The following ATN1 variants were observed in gnomAD, a reference collection of about 807,000 sequenced individuals.
The protein encoded by ATN1 is atrophin 1, also known as atrophin-1.
A neutral mutation model predicts 85.8 loss-of-function variants in ATN1; 19 were observed. The observed-to-expected ratio is 0.22, with a 90% CI of 0.15 to 0.32. The LOEUF (loss-of-function observed/expected upper bound fraction) is 0.32, where lower values mean the gene tolerates loss of function less well. Ranked by LOEUF, ATN1 falls within the 10% of genes least tolerant of loss-of-function variation. The probability of loss-of-function intolerance (pLI) is 1.00; values close to 1 mark genes in which losing one functional copy is unlikely to be tolerated. For synonymous variants in ATN1, 674 were observed against 657.0 expected, an observed-to-expected ratio of 1.03 and a Z score of -0.39; for missense variants, 1,453 against 1,564.5, an observed-to-expected ratio of 0.93 and a Z score of 1.20.
chr12:6,936,865 C>T lies in ATN1; in HGVS notation c.1598C>T (p.Ser533Phe), dbSNP rs1555143824. The change falls in exon 5 of 10, where the codon TCT becomes TTT. Residue 533 changes from serine to phenylalanine, a missense_variant. This residue lies in a region of ATN1 where 990 missense variants were observed against 914.8 expected (regional missense o/e 1.08). Transcript: ENST00000396684. ...CACCACGCACACCCTTACGCCATGT[C>T]TCCCTCCCTGGGGTCTCTGAGGCCC... ...SSHHAHPYAM[S>F]PSLGSLRPYP... 6.2e-7 allele frequency: 1 copy of T among 1,614,054 alleles called. No homozygotes were observed. The highest frequency in any genetic ancestry group is 8.5e-7 in the Non-Finnish European group (1 of 1,179,986).
In ATN1 at chr12:6,942,020, C is replaced by A; in HGVS notation, c.*240C>A. The A allele has an allele frequency of 1.8e-6, 1 of 569,440 alleles. No individual in the cohort carries two copies. The highest frequency in any genetic ancestry group is 3.1e-6 in the Non-Finnish European group (1 of 317,966). 35.3% of individuals were successfully genotyped at this position (569,440 alleles called of 1,614,324 possible). On this transcript the variant is annotated 3_prime_UTR_variant, in exon 10 of 10. Coordinates refer to ENST00000396684, the MANE Select transcript of ATN1 (RefSeq NM_001940.4). The stretch of plus-strand genomic sequence containing the variant: ...ACAGAAAGCGCACAGAATCTTGGAC[C>A]AGGTCTCTCTTCCTTGTCCCCCCTG...
chr12:6,938,933 C>A lies in ATN1; in HGVS notation c.2970C>A (p.Pro990=). ...QPGPPGLHPF[P]FHPSLGPLER... ...GCCCACCTGGCCTGCACCCTTTCCC[C>A]TTTCATCCGAGCCTGGGGCCCCTGG... Residue 990 remains proline, a synonymous_variant, in exon 7 of 10, where the codon CCC becomes CCA. Coordinates refer to ENST00000396684, the MANE Select transcript of ATN1 (RefSeq NM_001940.4). 6.2e-7 allele frequency: 1 copy of A among 1,614,028 alleles called. No homozygotes were observed. The highest frequency in any genetic ancestry group is 8.5e-7 in the Non-Finnish European group (1 of 1,180,002).
At position 6,934,716 on chromosome 12, in the gene ATN1, T is replaced by G; in HGVS notation, c.279+138T>G. The G allele has an allele frequency of 6.1e-6, 4 of 660,974 alleles. No homozygotes were observed. The highest frequency in any genetic ancestry group is 1.0e-5 in the Non-Finnish European group (4 of 381,590). 40.9% of individuals were successfully genotyped at this position (660,974 alleles called of 1,614,324 possible). On this transcript the variant is annotated intron_variant, in intron 4 of 9. Transcript: ENST00000396684. This position sits in a 1 kb window ranked among gnomAD's most constrained non-coding sequence, Gnocchi z 4.5. ...ATCATAGTGCTTATGAGAGCAGTTC[T>G]GTCTATAATATGCCAGAGAGATTCT... is the stretch of plus-strand genomic sequence containing the variant.
intron 1 of ATN1, among the ~76,000 whole-genome samples, chr12:6,931,580 G>T (rs1945465238): frequency 6.6e-6 from 1 of 151,650 alleles, no homozygotes; most frequent in South Asian, 2.1e-4. Flanking sequence ...CAGGTGTGGT[G>T]GTGTGCGCTT....
rs781914871 is a variant in ATN1 at position 6,935,663 on chromosome 12, C to T, written c.396C>T (p.Ser132=). 5 of 1,613,950 alleles carry T rather than the reference C, an allele frequency of 3.1e-6. No individual in the cohort carries two copies. In the South Asian group the frequency reaches 4.4e-5, roughly 14 times the overall value. ...RDIDQDNRST[S]PSIYSPGSVE... Reference sequence around the variant, plus strand: ...TCGACCAGGACAACCGAAGCACGTCCCCCAGTATCTACAGCCCTGGAAGTG... The same window carrying T: ...TCGACCAGGACAACCGAAGCACGTCTCCCAGTATCTACAGCCCTGGAAGTG... Residue 132 remains serine (S), a synonymous_variant, in exon 5 of 10, where the codon TCC becomes TCT. Transcript: ENST00000396684. This position sits in a 1 kb window ranked among gnomAD's most constrained non-coding sequence, Gnocchi z 5.3.
chr12:6,942,071 C>A lies in ATN1; in HGVS notation c.*291C>A. 2.0e-6 allele frequency: 1 copy of A among 506,706 alleles called. No homozygotes were observed. The highest frequency in any genetic ancestry group is 3.6e-6 in the Non-Finnish European group (1 of 278,934). The allele number at this position is 506,706 out of a possible 1,614,324, so 31.4% of individuals were successfully genotyped here. On this transcript the variant is annotated 3_prime_UTR_variant, in exon 10 of 10. Coordinates refer to ENST00000396684, the MANE Select transcript of ATN1 (RefSeq NM_001940.4). ...CTTTTCTCCTCCCCCATGCCCAACC[C>A]CTGTGGCCGCCGCCCCTCCCCTGCC...
At position 6,936,327 on chromosome 12, in the gene ATN1, C is replaced by T. The variant is rs1935632468; in HGVS notation, c.1060C>T (p.Pro354Ser). The T allele has an allele frequency of 1.9e-6, 3 of 1,613,952 alleles. No individual in the cohort carries two copies. In the African/African-American group the frequency reaches 4.0e-5, roughly 22 times the overall value. Reference sequence around the variant, plus strand: ...CCCAGAGAAGGGCCCAACTCTGGCTCCTTCACCCCACTCTCTGCCTCCTGC... The same window carrying T: ...CCCAGAGAAGGGCCCAACTCTGGCTTCTTCACCCCACTCTCTGCCTCCTGC... Reference protein sequence around the residue: ...PGPEKGPTLAPSPHSLPPASS... With the variant: ...PGPEKGPTLASSPHSLPPASS... The change falls in exon 5 of 10, where the codon CCT (proline) becomes TCT (serine). Residue 354 changes from proline to serine, a missense_variant. Around this residue, in one of 6 missense-constraint regions of ATN1, gnomAD observed 990 missense variants for 914.8 expected, o/e 1.08. Transcript: ENST00000396684.
At position 6,937,355 on chromosome 12, in the gene ATN1, C is replaced by A; in HGVS notation, c.2088C>A (p.Pro696=). 6.4e-7 allele frequency: 1 copy of A among 1,552,286 alleles called. No individual in the cohort carries two copies. The highest frequency in any genetic ancestry group is 2.4e-5 in the East Asian group (1 of 41,028). The change falls in exon 5 of 10, where the codon CCC becomes CCA. Residue 696 remains proline (P), a synonymous_variant. Coordinates refer to ENST00000396684, the MANE Select transcript of ATN1 (RefSeq NM_001940.4). This position sits in a 1 kb window ranked among gnomAD's most constrained non-coding sequence, Gnocchi z 6.0. ...GCTCGCCCACCGTGGGACCTGGGCC[C>A]CTGCCACCTGCGGGGCCCTCAGGCC... ...KPGSPTVGPG[P]LPPAGPSGLP...
rs958352481 is a variant in ATN1, at chr12:6,937,677, G to A, written c.2294+116G>A. On this transcript the variant is annotated intron_variant, in intron 5 of 9. Coordinates refer to ENST00000396684, the MANE Select transcript of ATN1 (RefSeq NM_001940.4). The surrounding 1 kb of genome is among the most constrained non-coding windows in gnomAD (Gnocchi z 6.0). The stretch of plus-strand genomic sequence containing the variant: ...CTGGTGTAGTGTTTTAGAAAAGCAC[G>A]CCCCTCTCCTCCGTCCAGGCCTAGT... The A allele has an allele frequency of 4.2e-6, 6 of 1,427,504 alleles. No homozygotes were observed. The highest frequency in any genetic ancestry group is 4.6e-6 in the Non-Finnish European group (5 of 1,088,424). 88.4% of individuals were successfully genotyped at this position (1,427,504 alleles called of 1,614,324 possible). A position where few individuals can be genotyped will look rare whatever the true frequency, so the allele number is the denominator to read the frequency against.
rs2138223149 is a variant in ATN1 at position 6,941,093 on chromosome 12, A to T, written c.3358+70A>T. ...AGAAAGGAGGTATTTGGGTGGGGGG[A>T]TGGGCCTAGTTGGGCTTGGGGAGGG... is the stretch of plus-strand genomic sequence containing the variant. On this transcript the variant is annotated intron_variant, in intron 8 of 9. Transcript: ENST00000396684. The surrounding 1 kb of genome is among the most constrained non-coding windows in gnomAD (Gnocchi z 5.9). The T allele has an allele frequency of 1.2e-4, 173 of 1,390,650 alleles. No individual in the cohort carries two copies. Among genetic ancestry groups the T allele is most frequent in the Non-Finnish European group, 1.6e-4 (162 of 990,718 alleles). The allele number at this position is 1,390,650 out of a possible 1,614,324, so 86.1% of individuals were successfully genotyped here.
At chr12:6,928,717 G>A (rs1945428275) in intron 1 of ATN1, among the ~76,000 whole-genome samples, 1 of 152,234 alleles carries the variant, frequency 6.6e-6, no homozygotes, top group Non-Finnish European at 1.5e-5. Context: ...CGAGGCCGGG[G>A]TTGGCGGAGG....
At position 6,928,400 on chromosome 12, in the gene ATN1, G is replaced by GCCTGGGC. The variant is rs1945422920; in HGVS notation, c.-163+19_-163+25dup. On this transcript the variant is annotated intron_variant, in intron 1 of 9. Transcript: ENST00000396684. ...CTACCAGCAGGTAAGGTCTGCGGCC[G>GCCTGGGC]CCTGGGCCCCGGGCCCGCGGGGTTC... is the stretch of plus-strand genomic sequence containing the variant. 1.3e-5 allele frequency: 2 copies of GCCTGGGC among 151,758 alleles called. No homozygotes were observed. 9.4% of individuals were successfully genotyped at this position (151,758 alleles called of 1,614,324 possible). A position where few individuals can be genotyped will look rare whatever the true frequency, so the allele number is the denominator to read the frequency against.
intron 1 of ATN1, among the ~76,000 whole-genome samples, chr12:6,930,308 A>T (rs1945443656): frequency 6.6e-6 from 1 of 152,174 alleles, no homozygotes; most frequent in South Asian, 2.1e-4. Context: ...CAGGTCCAGA[A>T]TGATGTTGGG....
chr12:6,933,889 AC>A lies in ATN1; in HGVS notation c.-112del. On this transcript the variant is annotated 5_prime_UTR_variant, in exon 2 of 10. Coordinates refer to ENST00000396684, the MANE Select transcript of ATN1 (RefSeq NM_001940.4). ...AAAGTTCCAGGTGCCCACACTGGAAACTTGGAGATCCTGCTTCCCAGACCAC... is the reference window on the plus strand; with the variant it reads ...AAAGTTCCAGGTGCCCACACTGGAAATTGGAGATCCTGCTTCCCAGACCAC... The A allele has an allele frequency of 7.5e-7, 1 of 1,341,896 alleles. No homozygotes were observed. The highest frequency in any genetic ancestry group is 1.0e-6 in the Non-Finnish European group (1 of 966,954). 83.1% of individuals were successfully genotyped at this position (1,341,896 alleles called of 1,614,324 possible).
upstream of ATN1, among the ~76,000 whole-genome samples, chr12:6,926,811 A>T (rs1377665234): frequency 6.6e-6 from 1 of 151,810 alleles, no homozygotes; most frequent in Non-Finnish European, 1.5e-5. Flanking sequence ...TTCCTCTTCC[A>T]TACTGCCGCC....
In ATN1 at chr12:6,941,023, G is replaced by A; in HGVS notation, c.3358G>A (p.Ala1120Thr). ...ENEVLRHQLF[A>T]APYRDLPASL... Reference sequence around the variant, plus strand: ...CGAAGTTCTTCGTCACCAGCTCTTTGGTAAGGATGGAAGTTGGGGTAGGCA... The same window carrying A: ...CGAAGTTCTTCGTCACCAGCTCTTTAGTAAGGATGGAAGTTGGGGTAGGCA... The change falls in exon 8 of 10, where the codon GCT becomes ACT. Residue 1120 changes from alanine (A) to threonine (T), a missense_variant and splice_region_variant. Ala to Thr is a moderately conservative substitution (Grantham distance 58, BLOSUM62 0). Coordinates refer to ENST00000396684, the MANE Select transcript of ATN1 (RefSeq NM_001940.4). The surrounding 1 kb of genome is among the most constrained non-coding windows in gnomAD (Gnocchi z 5.9). The A allele has an allele frequency of 6.2e-7, 1 of 1,614,124 alleles. No individual in the cohort carries two copies. The highest frequency in any genetic ancestry group is 8.5e-7 in the Non-Finnish European group (1 of 1,180,020).
chr12:6,941,087 G>C lies in ATN1; in HGVS notation c.3358+64G>C, dbSNP rs1423557883. On this transcript the variant is annotated intron_variant, in intron 8 of 9. Coordinates refer to ENST00000396684, the MANE Select transcript of ATN1 (RefSeq NM_001940.4). The surrounding 1 kb of genome is among the most constrained non-coding windows in gnomAD (Gnocchi z 5.9). Reference sequence around the variant, plus strand: ...AAGGGCAGAAAGGAGGTATTTGGGTGGGGGGATGGGCCTAGTTGGGCTTGG... The same window carrying C: ...AAGGGCAGAAAGGAGGTATTTGGGTCGGGGGATGGGCCTAGTTGGGCTTGG... 3 of 1,582,004 alleles carry C rather than the reference G, an allele frequency of 1.9e-6. No individual in the cohort carries two copies. Among genetic ancestry groups the C allele is most frequent in the East Asian group, 4.5e-5 (2 of 44,588 alleles).
Position 6,938,001 on chromosome 12 carries a change from C to CGAGCGCGAGCGGGAACGCGAGAAA in ATN1, c.2463_2486dup (p.Arg823_Glu830dup), listed in dbSNP as rs1555144120. 2.5e-5 allele frequency: 39 copies of CGAGCGCGAGCGGGAACGCGAGAAA among 1,542,544 alleles called. No homozygotes were observed. Among genetic ancestry groups the CGAGCGCGAGCGGGAACGCGAGAAA allele is most frequent in the Non-Finnish European group, 3.2e-5 (36 of 1,142,330 alleles). ...AGCGCGCGCGCGAAGAAAAGGAGCGCGAGCGCGAGCGGGAACGCGAGAAAG... is the reference window on the plus strand; with the variant it reads ...AGCGCGCGCGCGAAGAAAAGGAGCGCGAGCGCGAGCGGGAACGCGAGAAAGAGCGCGAGCGGGAACGCGAGAAAG... On this transcript the variant is annotated inframe_insertion, in exon 6 of 10. Transcript: ENST00000396684.
At position 6,937,372 on chromosome 12, in the gene ATN1, C is replaced by T; in HGVS notation, c.2105C>T (p.Pro702Leu). The T allele has an allele frequency of 6.4e-7, 1 of 1,550,748 alleles. No individual in the cohort carries two copies. The highest frequency in any genetic ancestry group is 1.2e-5 in the South Asian group (1 of 85,062). Reference protein sequence around the residue: ...VGPGPLPPAGPSGLPSLPPPP... With the variant: ...VGPGPLPPAGLSGLPSLPPPP... ...CCTGGGCCCCTGCCACCTGCGGGGC[C>T]CTCAGGCCTGCCATCGCTGCCACCA... is the stretch of plus-strand genomic sequence containing the variant. The change falls in exon 5 of 10, where the codon CCC becomes CTC. Residue 702 changes from proline (P) to leucine (L), a missense_variant. This residue lies in a region of ATN1 where 990 missense variants were observed against 914.8 expected (regional missense o/e 1.08). Coordinates refer to ENST00000396684, the MANE Select transcript of ATN1 (RefSeq NM_001940.4). This position sits in a 1 kb window ranked among gnomAD's most constrained non-coding sequence, Gnocchi z 6.0.
Sources: allele counts gnomAD v4.1 joint callset (sites outside exome capture counted in the v4.1 genomes callset), GRCh38; gene constraint gnomAD v4.1.1; regional missense constraint gnomAD v4.1.1; non-coding constraint Gnocchi (gnomAD v3.1); transcripts MANE v1.5; gene names NCBI Gene and HGNC (gene_info 2026-07-23, HGNC 2026-07-21).